The following SULT1E1 variants were observed in gnomAD, a reference collection of about 807,000 sequenced individuals.
SULT1E1 encodes sulfotransferase 1E1.
SULT1E1 carries 36 observed loss-of-function variants against 33.6 expected under a neutral mutation model. The observed-to-expected ratio is 1.07, with a 90% CI of 0.82 to 1.41. SULT1E1 has a LOEUF of 1.41. Among genes scored for constraint, SULT1E1 ranks in the 40% most tolerant of loss-of-function variants. The pLI, the probability that SULT1E1 is intolerant of heterozygous loss-of-function variation, is 0.00. For synonymous variants in SULT1E1, 121 were observed against 111.7 expected (o/e 1.08, Z -0.53); for missense variants, 371 against 345.7 (o/e 1.07, Z -0.58).
the SULT1E1 span, among the ~76,000 whole-genome samples, chr4:69,824,780 C>A: frequency 9.9e-5 from 15 of 152,174 alleles, no homozygotes; most frequent in Non-Finnish European, 1.5e-5. Context: ...TGTAAAATCA[C>A]CAATCAGTGC....
chr4:69,829,502 T>C, the SULT1E1 span, among the ~76,000 whole-genome samples: 2 of 152,220 alleles, frequency 1.3e-5, no homozygotes, highest in Non-Finnish European at 1.5e-5. Context: ...TTACTCCTGC[T>C]TCCAGGGTCT....
At chr4:69,836,035 G>A in the SULT1E1 span, among the ~76,000 whole-genome samples, 1 of 152,170 alleles carries the variant, frequency 6.6e-6, no homozygotes, top group Admixed American at 6.5e-5. Flanking sequence ...GATTTAACAT[G>A]TAAATATGCA....
the SULT1E1 span, among the ~76,000 whole-genome samples, chr4:69,831,034 CCCTAACTTTCTGT>C: frequency 1.3e-5 from 2 of 152,180 alleles, no homozygotes; most frequent in African/African-American, 4.8e-5. Context: ...AGGCTTTCCG[CCCTAACTTTCTGT>C]AGCTCTGATT....
chr4:69,849,161 C>G (rs978066038), intron 5 of SULT1E1: 44 of 219,616 alleles, frequency 2.0e-4, no homozygotes, highest in Non-Finnish European at 5.5e-5. Flanking sequence ...CACTGAGTCT[C>G]AATCTTGGAG....
At chr4:69,821,667 A>T in the SULT1E1 span, among the ~76,000 whole-genome samples, 1 of 152,198 alleles carries the variant, frequency 6.6e-6, no homozygotes, top group Non-Finnish European at 1.5e-5. Flanking sequence ...CCTTAGCAGG[A>T]TGCTCTCCTT....
intron 6 of SULT1E1, among the ~76,000 whole-genome samples, chr4:69,846,379 G>T (rs551641590): frequency 6.7e-6 from 1 of 149,238 alleles, no homozygotes. Context: ...TACTTTATAG[G>T]TTTCAAACTT....
chr4:69,838,233 C>CTTTCATTAATTTTCTCCATTGT (rs1282327408), downstream of SULT1E1, among the ~76,000 whole-genome samples: 4 of 151,664 alleles, frequency 2.6e-5, no homozygotes, highest in Non-Finnish European at 4.4e-5. Context: ...CTAGCTTTTG[C>CTTTCATTAATTTTCTCCATTGT]TTTCATTAAT....
chr4:69,825,410 C>G, the SULT1E1 span, among the ~76,000 whole-genome samples: 1 of 152,084 alleles, frequency 6.6e-6, no homozygotes, highest in Non-Finnish European at 1.5e-5. Flanking sequence ...TTTTGGCAAC[C>G]GTGAAGGGAC....
At chr4:69,829,016 T>A in the SULT1E1 span, among the ~76,000 whole-genome samples, 11 of 152,260 alleles carry the variant, frequency 7.2e-5, no homozygotes, top group Non-Finnish European at 1.6e-4. Flanking sequence ...CTTGTCCAAG[T>A]GTACTGTGAT....
intron 7 of SULT1E1, among the ~76,000 whole-genome samples, chr4:69,843,870 G>A (rs1720926745): frequency 6.6e-6 from 1 of 152,202 alleles, no homozygotes; most frequent in Admixed American, 6.5e-5. Context: ...TTGTAACACT[G>A]AGGCACATAG....
At chr4:69,826,385 G>A in the SULT1E1 span, among the ~76,000 whole-genome samples, 2 of 152,160 alleles carry the variant, frequency 1.3e-5, no homozygotes, top group African/African-American at 4.8e-5. Context: ...TTGAGAATGT[G>A]TTGGTAAGGA....
At chr4:69,831,404 T>C in the SULT1E1 span, among the ~76,000 whole-genome samples, 2 of 152,150 alleles carry the variant, frequency 1.3e-5, no homozygotes, top group Admixed American at 6.5e-5. Context: ...AGGCATGAAT[T>C]GATATAGGGG....
Position 69,849,347 on chromosome 4 carries a change from G to A in SULT1E1, c.496+90C>T, listed in dbSNP as rs143147676. On this transcript the variant is annotated intron_variant, in intron 5 of 7. Transcript: ENST00000226444. ...TTAACTATGAATCAGGGAAGAAAAC[G>A]TACCAGAACAGTTAAAAACTTTTAC... is the stretch of plus-strand genomic sequence containing the variant. 701 of 1,435,216 alleles carry A rather than the reference G, an allele frequency of 4.9e-4. 2 individuals are homozygous for A. Among genetic ancestry groups the A allele is most frequent in the Admixed American group, 7.6e-4 (36 of 47,532 alleles). 88.9% of individuals were successfully genotyped at this position (1,435,216 alleles called of 1,614,324 possible).
rs1433923469 is a variant in SULT1E1, at chr4:69,841,458, G to C, written c.*536C>G. ...GGGCCAGGCATGGAGGCTCAAGCCTGTAATCCCAGTATTTTGGGAGGCTGG... is the reference window on the plus strand; with the variant it reads ...GGGCCAGGCATGGAGGCTCAAGCCTCTAATCCCAGTATTTTGGGAGGCTGG... On this transcript the variant is annotated 3_prime_UTR_variant, in exon 8 of 8. Transcript: ENST00000226444. The C allele has an allele frequency of 6.6e-6, 1 of 152,526 alleles. No individual in the cohort carries two copies. Among genetic ancestry groups the C allele is most frequent in the Admixed American group, 6.5e-5 (1 of 15,298 alleles). 9.4% of individuals were successfully genotyped at this position (152,526 alleles called of 1,614,324 possible). A position where few individuals can be genotyped will look rare whatever the true frequency, so the allele number is the denominator to read the frequency against.
At chr4:69,824,418 G>A in the SULT1E1 span, among the ~76,000 whole-genome samples, 3 of 152,114 alleles carry the variant, frequency 2.0e-5, no homozygotes, top group Non-Finnish European at 2.9e-5. Flanking sequence ...CTGAGTCAAG[G>A]GTCCTTTGAT....
chr4:69,855,550 T>G (rs1198348539), intron 2 of SULT1E1, 124 bp from the exon 3 acceptor site: 1 of 831,442 alleles, frequency 1.2e-6, no homozygotes. Context: ...GGTGTCTGAA[T>G]AGCCACAGAC....
At chr4:69,830,069 C>T in the SULT1E1 span, among the ~76,000 whole-genome samples, 1 of 152,166 alleles carries the variant, frequency 6.6e-6, no homozygotes, top group Non-Finnish European at 1.5e-5. Context: ...CTTGTCCTTC[C>T]AGTGTCCTTT....
At chr4:69,843,640 C>T (rs1852801) in intron 7 of SULT1E1, among the ~76,000 whole-genome samples, 17,602 of 152,082 alleles carry the variant, frequency 0.12, 1,130 homozygotes, top group Middle Eastern at 0.16. Flanking sequence ...ATGTCTCCCC[C>T]CAAATAGAAT....
intron 5 of SULT1E1, among the ~76,000 whole-genome samples, chr4:69,848,576 G>T (rs2110068685): frequency 6.6e-6 from 1 of 151,900 alleles, no homozygotes; most frequent in Admixed American, 6.6e-5. Flanking sequence ...TTCTCCCTTT[G>T]CAGTGATGCA....
Sources: gnomAD v4.1 joint callset for allele counts (sites outside exome capture counted in the v4.1 genomes callset) on GRCh38, gnomAD v4.1.1 for gene constraint, MANE v1.5 for transcripts, NCBI Gene and HGNC (gene_info 2026-07-23, HGNC 2026-07-21) for gene names.